Variants in UBR3 observed in about 807,000 individuals in gnomAD.
UBR3 encodes the protein E3 ubiquitin-protein ligase UBR3.
Under a neutral mutation model 243.2 loss-of-function variants are expected in UBR3, and 85 were observed. The observed-to-expected ratio is 0.35, with a 90% CI of 0.29 to 0.42. The LOEUF (loss-of-function observed/expected upper bound fraction) is 0.42, where lower values mean the gene tolerates loss of function less well. UBR3 is among the 10% of genes least tolerant of loss of function. The pLI is 1.00. For synonymous variants in UBR3, 748 were observed against 799.8 expected (o/e 0.94, Z 1.09); for missense variants, 1,686 against 2,300.8 (o/e 0.73, Z 5.47).
At position 169,926,985 on chromosome 2, in the gene UBR3, A is replaced by T; in HGVS notation, c.2338+14A>T. On this transcript the variant is annotated intron_variant, in intron 16 of 38. Coordinates refer to ENST00000272793, the MANE Select transcript of UBR3 (RefSeq NM_172070.4). ...GTTTACATTTAGGTAAAACTCACTG[A>T]TACTAATACTTATGCATTAACTGTT... 6.5e-7 allele frequency: 1 copy of T among 1,545,650 alleles called. No homozygotes were observed. The highest frequency in any genetic ancestry group is 8.8e-7 in the Non-Finnish European group (1 of 1,142,818).
intron 36 of UBR3, among the ~76,000 whole-genome samples, chr2:170,076,273 C>T (rs551540021): frequency 1.3e-5 from 2 of 152,230 alleles, no homozygotes; most frequent in East Asian, 3.9e-4. Context: ...GCAAAGGATG[C>T]TAGGAGGATT....
At chr2:169,898,178 C>G (rs2084662881) in intron 8 of UBR3, among the ~76,000 whole-genome samples, 1 of 152,190 alleles carries the variant, frequency 6.6e-6, no homozygotes, top group Non-Finnish European at 1.5e-5. Context: ...TCTCCATTCT[C>G]TGAGGAGGAG....
chr2:169,856,622 G>C (rs1489171800), intron 1 of UBR3, among the ~76,000 whole-genome samples: 1 of 152,228 alleles, frequency 6.6e-6, no homozygotes, highest in African/African-American at 2.4e-5. Context: ...CTCGCAGTCA[G>C]GAGCTGGAGA....
intron 5 of UBR3, among the ~76,000 whole-genome samples, chr2:169,890,581 G>GTGTATATATATGTA (rs1553504582): frequency 2.1e-5 from 2 of 96,496 alleles, no homozygotes; most frequent in South Asian, 3.6e-4. Flanking sequence ...ATATATATAT[G>GTGTATATATATGTA]TATATATATA....
chr2:169,983,861 G>A (rs1226346829), intron 24 of UBR3, among the ~76,000 whole-genome samples: 1 of 152,140 alleles, frequency 6.6e-6, no homozygotes, highest in African/African-American at 2.4e-5. Flanking sequence ...GGTAATTTAA[G>A]TAGTACTTTT....
chr2:169,975,666 G>T (rs1559149936), intron 24 of UBR3, among the ~76,000 whole-genome samples: 1 of 152,056 alleles, frequency 6.6e-6, no homozygotes, highest in African/African-American at 2.4e-5. Context: ...GTATCCTCTT[G>T]TCTGGGTGTG....
At chr2:170,052,746 G>A (rs921097304) in intron 32 of UBR3, among the ~76,000 whole-genome samples, 1 of 152,166 alleles carries the variant, frequency 6.6e-6, no homozygotes, top group African/African-American at 2.4e-5. Context: ...AGATGAATAA[G>A]TTCTGGAGAT....
At chr2:170,075,907 A>G (rs1301929781) in intron 36 of UBR3, among the ~76,000 whole-genome samples, 1 of 122,058 alleles carries the variant, frequency 8.2e-6, no homozygotes, top group African/African-American at 2.8e-5. Context: ...AAAGCAAACT[A>G]TGACAGAAAA....
intron 1 of UBR3, among the ~76,000 whole-genome samples, chr2:169,830,590 CT>C (rs1210852218): frequency 6.6e-6 from 1 of 152,060 alleles, no homozygotes; most frequent in Non-Finnish European, 1.5e-5. Context: ...TCAACCATTT[CT>C]CTTTACTGCC....
At chr2:169,927,967 A>G (rs1454297515) in intron 17 of UBR3, among the ~76,000 whole-genome samples, 7 of 152,364 alleles carry the variant, frequency 4.6e-5, no homozygotes, top group Non-Finnish European at 1.0e-4. Context: ...AAAATTTTAC[A>G]CAAAGATTAT....
chr2:169,874,173 C>CT (rs200643346), intron 2 of UBR3, among the ~76,000 whole-genome samples: 6,993 of 143,450 alleles, frequency 0.049, 251 homozygotes, highest in East Asian at 0.12. Flanking sequence ...AAAATTCTGC[C>CT]TTTTTTTTTT....
At chr2:169,952,386 C>G (rs576636947) in intron 23 of UBR3, among the ~76,000 whole-genome samples, 9 of 152,220 alleles carry the variant, frequency 5.9e-5, no homozygotes, top group African/African-American at 1.9e-4. Flanking sequence ...TCCGTTGGTA[C>G]CTGTATAAGG....
chr2:169,865,163 A>G (rs920195901), intron 1 of UBR3, among the ~76,000 whole-genome samples: 2 of 152,022 alleles, frequency 1.3e-5, no homozygotes, highest in East Asian at 3.9e-4. Context: ...ACTTGATAAA[A>G]TATTAATAGT....
intron 29 of UBR3, among the ~76,000 whole-genome samples, chr2:170,013,535 A>G (rs1480956744): frequency 2.0e-5 from 3 of 152,306 alleles, no homozygotes; most frequent in Admixed American, 1.3e-4. Flanking sequence ...AGAATATTGC[A>G]TAGGAGATCT....
intron 1 of UBR3, among the ~76,000 whole-genome samples, chr2:169,842,193 G>T (rs920813585): frequency 1.3e-5 from 2 of 152,096 alleles, no homozygotes; most frequent in African/African-American, 4.8e-5. Context: ...CCTGTGTTTA[G>T]CTCAAGGTTT....
intron 11 of UBR3, among the ~76,000 whole-genome samples, chr2:169,918,105 T>C (rs539829806): frequency 6.6e-6 from 1 of 152,302 alleles, no homozygotes; most frequent in Non-Finnish European, 1.5e-5. Context: ...CCTATTGTTA[T>C]GTAGCAAGTT....
At chr2:170,041,032 G>T in intron 32 of UBR3, 47 bp downstream of exon 32, 1 of 1,533,532 alleles carries the variant, frequency 6.5e-7, no homozygotes, top group South Asian at 1.2e-5. Context: ...TATGTATTTT[G>T]AATATTCTAG....
At position 169,913,368 on chromosome 2, in the gene UBR3, TTTTG is replaced by T. The variant is rs1484411972; in HGVS notation, c.1780-688_1780-685del. Among the ~76,000 whole-genome samples the T allele has an allele frequency of 9.7e-4, 147 of 151,708 alleles. 1 individual carries two copies. The highest frequency in any genetic ancestry group is 1.7e-3 in the Non-Finnish European group (114 of 67,850). On this transcript the variant is annotated intron_variant, in intron 10 of 38. Coordinates refer to ENST00000272793, the MANE Select transcript of UBR3 (RefSeq NM_172070.4). ...TTGTTTGTTTGTTTTTTGTTTTTTT[TTTTG>T]TTTTTGGTAAGCAAGCCTATCATTA...
At chr2:169,992,582 A>G (rs571105906) in intron 25 of UBR3, among the ~76,000 whole-genome samples, 2 of 152,304 alleles carry the variant, frequency 1.3e-5, no homozygotes, top group Non-Finnish European at 2.9e-5. Context: ...GGTAGCATCT[A>G]CCAGCTTTTG....
Sources: allele counts gnomAD v4.1 joint callset (sites outside exome capture counted in the v4.1 genomes callset), GRCh38; gene constraint gnomAD v4.1.1; transcripts MANE v1.5; gene names NCBI Gene and HGNC (gene_info 2026-07-23, HGNC 2026-07-21).